The following SPON1 variants were observed in gnomAD, a reference collection of about 807,000 sequenced individuals.
SPON1 encodes the protein spondin-1.
A neutral mutation model predicts 111.7 loss-of-function variants in SPON1; 52 were observed. That is an observed-to-expected ratio of 0.47 (90% CI 0.37 to 0.59). SPON1 has a LOEUF of 0.59. Among genes scored for constraint, SPON1 ranks in the 20% least tolerant of loss-of-function variants. The pLI, the probability that SPON1 is intolerant of heterozygous loss-of-function variation, is 0.00. For synonymous variants in SPON1, 410 were observed against 395.8 expected, an observed-to-expected ratio of 1.04 and a Z score of -0.43; for missense variants, 957 against 1,068.5, an observed-to-expected ratio of 0.90 and a Z score of 1.46.
chr11:14,240,971 A>G, intron 6 of SPON1, among the ~76,000 whole-genome samples: 1 of 152,232 alleles, frequency 6.6e-6, no homozygotes, highest in East Asian at 1.9e-4. Context: ...GTACTGATGG[A>G]AAGTTTCCCG....
At chr11:14,160,822 A>ATTTATATAT (rs1847927359) in intron 6 of SPON1, among the ~76,000 whole-genome samples, 1 of 23,628 alleles carries the variant, frequency 4.2e-5, no homozygotes, top group African/African-American at 1.5e-4. Flanking sequence ...TTTTATATAT[A>ATTTATATAT]TTTTATATAT....
At chr11:13,994,337 G>T (rs1190269517) in intron 2 of SPON1, among the ~76,000 whole-genome samples, 3 of 152,062 alleles carry the variant, frequency 2.0e-5, no homozygotes, top group Admixed American at 6.6e-5. Context: ...TTCTCATTTG[G>T]TATTGTTCAC....
At chr11:14,158,230 C>T (rs1177294159) in intron 6 of SPON1, among the ~76,000 whole-genome samples, 2 of 152,240 alleles carry the variant, frequency 1.3e-5, no homozygotes, top group East Asian at 3.9e-4. Flanking sequence ...ACTCTTATTC[C>T]ATGGGTGTAG....
At chr11:14,256,544 C>A in intron 9 of SPON1, 73 bp from the exon 10 acceptor site, 1 of 1,034,488 alleles carries the variant, frequency 9.7e-7, no homozygotes, top group South Asian at 1.4e-5. Context: ...AGATTTTAGT[C>A]CTCTTTCACC....
chr11:14,116,573 T>C (rs1196745320), intron 5 of SPON1, among the ~76,000 whole-genome samples: 1 of 152,180 alleles, frequency 6.6e-6, no homozygotes, highest in Admixed American at 6.5e-5. Context: ...TGTTCTTCTG[T>C]TCCATTGCTG....
chr11:14,261,229 C>CG (rs1849167741), intron 14 of SPON1, among the ~76,000 whole-genome samples: 2 of 152,190 alleles, frequency 1.3e-5, no homozygotes, highest in African/African-American at 4.8e-5. Context: ...CACCCCACCC[C>CG]GCTCCACTCC....
At chr11:14,093,674 AATT>A (rs1243899656) in intron 5 of SPON1, among the ~76,000 whole-genome samples, 4 of 152,168 alleles carry the variant, frequency 2.6e-5, no homozygotes, top group Non-Finnish European at 5.9e-5. Context: ...AGATTTAGGA[AATT>A]ATTATTAAGT....
At chr11:14,265,490 CTGCGGGCCTA>C in intron 15 of SPON1, 24 bp from the exon 16 acceptor site, 1 of 1,599,740 alleles carries the variant, frequency 6.3e-7, no homozygotes, top group South Asian at 1.1e-5. Flanking sequence ...CGTCCCGTTT[CTGCGGGCCTA>C]ACAAGGCATT....
intron 2 of SPON1, among the ~76,000 whole-genome samples, chr11:14,018,082 C>T (rs1848455925): frequency 6.6e-6 from 1 of 152,140 alleles, no homozygotes. Context: ...GCTCACTTTT[C>T]TTATGAAATA....
At chr11:13,975,900 C>T (rs1246473732) in intron 1 of SPON1, among the ~76,000 whole-genome samples, 1 of 152,132 alleles carries the variant, frequency 6.6e-6, no homozygotes, top group Non-Finnish European at 1.5e-5. Context: ...CAAATTTCAT[C>T]ATAATCTTCA....
intron 5 of SPON1, among the ~76,000 whole-genome samples, chr11:14,109,014 C>T (rs1554925172): frequency 6.6e-6 from 1 of 152,148 alleles, no homozygotes; most frequent in African/African-American, 2.4e-5. Context: ...GAGTCCTGGG[C>T]AGCTCCTTCT....
At chr11:14,186,106 G>A (rs1460075037) in intron 6 of SPON1, among the ~76,000 whole-genome samples, 1 of 152,228 alleles carries the variant, frequency 6.6e-6, no homozygotes, top group Admixed American at 6.5e-5. Flanking sequence ...TTCCCCATTA[G>A]TGATTCCTGG....
chr11:14,013,520 A>G (rs193275425), intron 2 of SPON1, among the ~76,000 whole-genome samples: 63 of 152,274 alleles, frequency 4.1e-4, no homozygotes, highest in Non-Finnish European at 8.2e-4. Flanking sequence ...TCTCTAACTC[A>G]CCAATGGGTT....
chr11:14,015,922 T>C (rs1554914245), intron 2 of SPON1, among the ~76,000 whole-genome samples: 2 of 152,230 alleles, frequency 1.3e-5, no homozygotes, highest in Non-Finnish European at 2.9e-5. Flanking sequence ...AAGTTCATGT[T>C]GCCACGGATT....
At chr11:14,203,254 C>T (rs10832231) in intron 6 of SPON1, among the ~76,000 whole-genome samples, 35,058 of 152,080 alleles carry the variant, frequency 0.23, 4,150 homozygotes, top group Admixed American at 0.27. Flanking sequence ...GGGTAATTCA[C>T]TGAAATCTTG....
intron 1 of SPON1, among the ~76,000 whole-genome samples, chr11:13,971,976 A>C (rs1848066538): frequency 6.6e-6 from 1 of 152,172 alleles, no homozygotes; most frequent in Non-Finnish European, 1.5e-5. Context: ...ACATCTGTCC[A>C]AGGTTCTGTC....
At position 13,962,967 on chromosome 11, in the gene SPON1, G is replaced by T. The variant is rs565112124; in HGVS notation, c.63G>T (p.Leu21=). ...CTCCGGCACTGCTGGCCCTGGCGCT[G>T]CCCCTGGCCGCGGCGCTGGCCTTCT... ...SRTPALLALA[L]PLAAALAFSD... is the part of the protein sequence containing the mutation. Residue 21 remains leucine, a synonymous_variant, in exon 1 of 16, where the codon CTG becomes CTT. Transcript: ENST00000576479. 26 of 1,592,162 alleles carry T rather than the reference G, an allele frequency of 1.6e-5. No individual in the cohort carries two copies. Among genetic ancestry groups the T allele is most frequent in the Non-Finnish European group, 1.9e-5 (22 of 1,171,158 alleles).
At chr11:14,186,848 G>A (rs1375019962) in intron 6 of SPON1, among the ~76,000 whole-genome samples, 3 of 152,186 alleles carry the variant, frequency 2.0e-5, no homozygotes, top group Admixed American at 6.5e-5. Flanking sequence ...TCTCCTTAAA[G>A]TAATCCTGTG....
intron 6 of SPON1, among the ~76,000 whole-genome samples, chr11:14,223,504 T>A (rs571395096): frequency 6.6e-6 from 1 of 152,358 alleles, no homozygotes; most frequent in East Asian, 1.9e-4. Context: ...CATTTATACT[T>A]CACCATAAAT....
Sources: allele counts gnomAD v4.1 joint callset (sites outside exome capture counted in the v4.1 genomes callset), GRCh38; gene constraint gnomAD v4.1.1; transcripts MANE v1.5; gene names NCBI Gene and HGNC (gene_info 2026-07-23, HGNC 2026-07-21).